The following UNC13A variants were observed in gnomAD, a reference collection of about 807,000 sequenced individuals.
UNC13A encodes unc-13 homolog A.
Under a neutral mutation model 219.7 loss-of-function variants are expected in UNC13A, and 61 were observed. The ratio of observed to expected loss-of-function variants is 0.28; its 90% CI spans 0.23 to 0.34. The LOEUF (loss-of-function observed/expected upper bound fraction) is 0.34. UNC13A is among the 10% of genes least tolerant of loss of function. The pLI, the probability that UNC13A is intolerant of heterozygous loss-of-function variation, is 1.00. For missense variants in UNC13A, 1,476 were observed against 2,270.3 expected (o/e 0.65, Z 7.11); for synonymous variants, 920 against 884.6 (o/e 1.04, Z -0.71).
intron 1 of UNC13A, among the ~76,000 whole-genome samples, chr19:17,684,766 T>A (rs2080078038): frequency 6.6e-6 from 1 of 152,204 alleles, no homozygotes; most frequent in Non-Finnish European, 1.5e-5. Context: ...TACATGGATA[T>A]GAGTGTGCAT....
At chr19:17,688,101 T>TG (rs2080149526) in intron 1 of UNC13A, 77 bp downstream of exon 1, 1 of 1,494,856 alleles carries the variant, frequency 6.7e-7, no homozygotes, top group African/African-American at 1.5e-5. Context: ...AGGAACCCCC[T>TG]GGGAGCCGCA....
At chr19:17,615,352 A>G (rs771076504) in intron 41 of UNC13A, among the ~76,000 whole-genome samples, 1 of 152,120 alleles carries the variant, frequency 6.6e-6, no homozygotes, top group Non-Finnish European at 1.5e-5. Flanking sequence ...ATTGCACTCC[A>G]GCCTGGGTGA....
chr19:17,639,318 A>G, intron 24 of UNC13A, 101 bp from the exon 25 acceptor site: 1 of 1,579,300 alleles, frequency 6.3e-7, no homozygotes, highest in South Asian at 1.2e-5. Context: ...AAGTGGTATG[A>G]AAGGAAAAGG....
chr19:17,650,444 C>T (rs149855083), intron 12 of UNC13A, among the ~76,000 whole-genome samples: 36 of 152,178 alleles, frequency 2.4e-4, no homozygotes, highest in African/African-American at 8.7e-4. Flanking sequence ...AACCAGGAGG[C>T]AGAGGTTGCA....
chr19:17,642,670 C>A (rs1342255657), intron 20 of UNC13A, among the ~76,000 whole-genome samples, 175 bp downstream of exon 20: 2 of 152,094 alleles, frequency 1.3e-5, no homozygotes, highest in East Asian at 3.9e-4. Flanking sequence ...GAGGAGGTGA[C>A]CCTGAATCTG....
chr19:17,628,858 GCA>G (rs2076811786), intron 31 of UNC13A, among the ~76,000 whole-genome samples: 1 of 151,244 alleles, frequency 6.6e-6, no homozygotes, highest in South Asian at 2.1e-4. Flanking sequence ...AATCACACAC[GCA>G]CACTCAGACG....
At chr19:17,640,161 A>G (rs758113515) in intron 22 of UNC13A, among the ~76,000 whole-genome samples, 1 of 152,088 alleles carries the variant, frequency 6.6e-6, no homozygotes, top group Non-Finnish European at 1.5e-5. Context: ...CAGCCTCCCA[A>G]GTGGCTGGGA....
intron 41 of UNC13A, among the ~76,000 whole-genome samples, chr19:17,616,664 C>T (rs895880744): frequency 1.3e-5 from 2 of 152,106 alleles, no homozygotes; most frequent in Non-Finnish European, 2.9e-5. Flanking sequence ...CAGACAGCCT[C>T]CTGCTCCAGG....
intron 29 of UNC13A, 140 bp downstream of exon 29, chr19:17,630,514 A>G: frequency 8.5e-7 from 1 of 1,171,732 alleles, no homozygotes; most frequent in Admixed American, 2.3e-5. Context: ...TTGATGAATG[A>G]ACAAAAGATT....
Position 17,672,458 on chromosome 19 carries a change from C to G in UNC13A, c.190G>C (p.Val64Leu). The G allele has an allele frequency of 6.2e-7, 1 of 1,613,908 alleles. No individual in the cohort carries two copies. Among genetic ancestry groups the G allele is most frequent in the Non-Finnish European group, 8.5e-7 (1 of 1,179,872 alleles). Residue 64 changes from valine to leucine, a missense_variant, in exon 4 of 44, where the codon GTG becomes CTG. Val to Leu is a conservative substitution (Grantham distance 32). Coordinates refer to ENST00000519716, the MANE Select transcript of UNC13A (RefSeq NM_001080421.3). ...TCCCAGATGAGACCCTTATTCCACA[C>G]CTCCACCGTCAGTCCCAAATCCAGA... is the stretch of plus-strand genomic sequence containing the variant. Reference protein sequence around the residue: ...NRLDLGLTVEVWNKGLIWDTM... With the variant: ...NRLDLGLTVELWNKGLIWDTM...
At chr19:17,667,256 G>GA (rs71336632) in intron 6 of UNC13A, among the ~76,000 whole-genome samples, 63,307 of 142,016 alleles carry the variant, frequency 0.45, 14,732 homozygotes, top group Non-Finnish European at 0.49. Flanking sequence ...TCTCAAAAAA[G>GA]AAAAAAAAAA....
chr19:17,685,935 C>G (rs2080100367), intron 1 of UNC13A, among the ~76,000 whole-genome samples: 1 of 151,966 alleles, frequency 6.6e-6, no homozygotes, highest in Non-Finnish European at 1.5e-5. Context: ...CTCAGCCATC[C>G]CAGCCCCTCC....
intron 30 of UNC13A, 41 bp downstream of exon 30, chr19:17,630,104 G>T: frequency 6.5e-7 from 1 of 1,547,028 alleles, no homozygotes. Flanking sequence ...CCCTAACCCT[G>T]ACCCTGTCCC....
At position 17,615,030 on chromosome 19, in the gene UNC13A, C is replaced by T. The variant is rs116361819; in HGVS notation, c.4558+2672G>A. Among the ~76,000 whole-genome samples, 1,338 of 152,218 alleles carry T rather than the reference C, an allele frequency of 8.8e-3. 13 individuals carry two copies. Among genetic ancestry groups the T allele is most frequent in the African/African-American group, 0.031 (1,296 of 41,524 alleles). On this transcript the variant is annotated intron_variant, in intron 41 of 43. Transcript: ENST00000519716. ...TTCGCGGGGAAGGGTCTTTCCTGGGCCTCTCAGTGCTTCTTCCAACCCCAC... is the reference window on the plus strand; with the variant it reads ...TTCGCGGGGAAGGGTCTTTCCTGGGTCTCTCAGTGCTTCTTCCAACCCCAC...
At chr19:17,687,163 C>T (rs975266025) in intron 1 of UNC13A, among the ~76,000 whole-genome samples, 2 of 152,174 alleles carry the variant, frequency 1.3e-5, no homozygotes, top group African/African-American at 4.8e-5. Flanking sequence ...GGCTGGCTTC[C>T]CCACGACCCC....
At chr19:17,628,764 C>T (rs937270657) in intron 31 of UNC13A, among the ~76,000 whole-genome samples, 1 of 152,024 alleles carries the variant, frequency 6.6e-6, no homozygotes, top group African/African-American at 2.4e-5. Flanking sequence ...TCATGTTATA[C>T]CCAGTTAACA....
intron 4 of UNC13A, among the ~76,000 whole-genome samples, chr19:17,670,959 A>G (rs2079776518): frequency 6.7e-6 from 1 of 149,994 alleles, no homozygotes; most frequent in South Asian, 2.1e-4. Flanking sequence ...AAAATAAAAT[A>G]AAATGACAAA....
chr19:17,606,054 CTAAGGCGCAGG>C lies in UNC13A; in HGVS notation c.5101_5111del (p.Pro1701AlafsTer82). 1 of 1,544,320 alleles carries C rather than the reference CTAAGGCGCAGG, an allele frequency of 6.5e-7. No homozygotes were observed. ...AGTGCCGCTCGGCCGACCGCCCGCG[CTAAGGCGCAGG>C]CGCGGCACCGCCCTCCTCGGCGGAG... On this transcript the variant is annotated frameshift_variant and stop_lost, in exon 44 of 44. Transcript: ENST00000519716. LOFTEE classifies it high-confidence loss of function.
chr19:17,648,789 TC>T (rs2079291373), intron 15 of UNC13A, 122 bp downstream of exon 15: 2 of 1,482,474 alleles, frequency 1.3e-6, no homozygotes, highest in Admixed American at 2.2e-5. Flanking sequence ...CACGCTGCCT[TC>T]TGCCAGTCTG....
Sources: allele counts gnomAD v4.1 joint callset (sites outside exome capture counted in the v4.1 genomes callset), GRCh38; gene constraint gnomAD v4.1.1; transcripts MANE v1.5; gene names NCBI Gene and HGNC (gene_info 2026-07-23, HGNC 2026-07-21).